ZNF512B: variants seen among roughly 807,000 people sequenced by gnomAD.
ZNF512B encodes zinc finger protein 512B.
A neutral mutation model predicts 87.8 loss-of-function variants in ZNF512B; 22 were observed. The observed-to-expected ratio is 0.25, with a 90% CI of 0.18 to 0.36. The LOEUF (loss-of-function observed/expected upper bound fraction) is 0.36. Ranked by LOEUF, ZNF512B falls within the 10% of genes least tolerant of loss-of-function variation. The pLI, the probability that ZNF512B is intolerant of heterozygous loss-of-function variation, is 1.00. For missense variants in ZNF512B, 1,060 were observed against 1,231.6 expected (o/e 0.86, Z 2.09); for synonymous variants, 524 against 490.9 (o/e 1.07, Z -0.89).
Position 63,963,913 on chromosome 20 carries a change from C to T in ZNF512B, c.1481G>A (p.Gly494Asp). 5 of 1,609,892 alleles carry T rather than the reference C, an allele frequency of 3.1e-6. No homozygotes were observed. Among genetic ancestry groups the T allele is most frequent in the Non-Finnish European group, 3.4e-6 (4 of 1,179,994 alleles). Residue 494 changes from glycine (G) to aspartate (D), a missense_variant and splice_region_variant, in exon 9 of 17, where the codon GGT becomes GAT. Physicochemically the swap from Gly to Asp is moderately conservative, Grantham distance 94. This residue lies in a region of ZNF512B where 212 missense variants were observed against 207.6 expected (regional missense o/e 1.02). Coordinates refer to ENST00000369888, the MANE Select transcript of ZNF512B (RefSeq NM_020713.3). The stretch of plus-strand genomic sequence containing the variant: ...CCTCTGCCACTGCTCTTCAGGGCCA[C>T]CTGTGGGTAAGGCAGGGGCCTCGAA... ...APAPVAHPAP[G>D]GPEEQWQRAI...
At chr20:63,962,218 C>T in intron 14 of ZNF512B, 55 bp downstream of exon 14, 1 of 1,529,530 alleles carries the variant, frequency 6.5e-7, no homozygotes, top group Non-Finnish European at 8.8e-7. Context: ...GGGCCACACC[C>T]AGGCTCTGGC....
In ZNF512B at chr20:63,957,358, G is replaced by A. The variant is rs1416732734; in HGVS notation, c.*2530C>T. 6.6e-6 allele frequency: 1 copy of A among 152,550 alleles called. No individual in the cohort carries two copies. The highest frequency in any genetic ancestry group is 1.5e-5 in the Non-Finnish European group (1 of 68,098). 9.4% of individuals were successfully genotyped at this position (152,550 alleles called of 1,614,324 possible). ...GCAGGGCCGGCGCCCACCACACTCT[G>A]GGGGTCAGCTATGCTGGTCCCTCTC... is the stretch of plus-strand genomic sequence containing the variant. On this transcript the variant is annotated 3_prime_UTR_variant, in exon 17 of 17. Coordinates refer to ENST00000369888, the MANE Select transcript of ZNF512B (RefSeq NM_020713.3).
At chr20:63,962,904 T>A in intron 12 of ZNF512B, 123 bp from the exon 13 acceptor site, 1 of 1,271,982 alleles carries the variant, frequency 7.9e-7, no homozygotes, top group Non-Finnish European at 1.1e-6. Flanking sequence ...GGGACATGGC[T>A]GACGCAGGCA....
intron 14 of ZNF512B, 99 bp downstream of exon 14, chr20:63,962,174 T>C: frequency 7.2e-7 from 1 of 1,380,566 alleles, no homozygotes; most frequent in African/African-American, 1.4e-5. Flanking sequence ...CTTGGGCACC[T>C]CCTGAAAGCT....
At position 63,967,693 on chromosome 20, in the gene ZNF512B, C is replaced by T. The variant is rs952058861; in HGVS notation, c.121+137G>A. On this transcript the variant is annotated intron_variant, in intron 2 of 16. Transcript: ENST00000369888. The stretch of plus-strand genomic sequence containing the variant: ...ACCCTGGGCTATGTCCAAGGCAACC[C>T]CTACCCTGGTAAGGTCCTTGGGAAC... The T allele has an allele frequency of 3.0e-5, 45 of 1,488,268 alleles. 2 individuals carry two copies. The South Asian group carries it at 5.1e-4, about 17-fold the overall frequency. 92.2% of individuals were successfully genotyped at this position (1,488,268 alleles called of 1,614,324 possible). A position where few individuals can be genotyped will look rare whatever the true frequency, so the allele number is the denominator to read the frequency against.
intron 13 of ZNF512B, 102 bp from the exon 14 acceptor site, chr20:63,962,476 G>A (rs928633606): frequency 1.3e-5 from 20 of 1,547,312 alleles, no homozygotes; most frequent in Admixed American, 3.8e-5. Context: ...CGCAGATGGC[G>A]GGGGCAGCGG....
intron 12 of ZNF512B, 82 bp from the exon 13 acceptor site, chr20:63,962,863 C>A: frequency 7.2e-7 from 1 of 1,394,316 alleles, no homozygotes; most frequent in Non-Finnish European, 9.5e-7. Context: ...CACCCTAAGG[C>A]CGGTGGACCC....
chr20:63,963,068 T>A (rs1456067970), intron 12 of ZNF512B, 27 bp downstream of exon 12: 1 of 1,526,636 alleles, frequency 6.6e-7, no homozygotes, highest in South Asian at 1.2e-5. Context: ...GAACAAGCAC[T>A]GTGCCACAGA....
intron 1 of ZNF512B, among the ~76,000 whole-genome samples, chr20:63,969,554 G>GGCGCGGA (rs956070127): frequency 6.7e-6 from 1 of 149,456 alleles, no homozygotes; most frequent in African/African-American, 2.4e-5. Context: ...CGGGGCGCGG[G>GGCGCGGA]CCTCGGCCTG....
At position 63,956,956 on chromosome 20, in the gene ZNF512B, G is replaced by A. The variant is rs2058729434; in HGVS notation, c.*2932C>T. 1 of 152,582 alleles carries A rather than the reference G, an allele frequency of 6.6e-6. No individual in the cohort carries two copies. The allele number at this position is 152,582 out of a possible 1,614,324, so 9.5% of individuals were successfully genotyped here. ...CTCTTTCAAAATGCACTTATGTACT[G>A]AGAACTGGCATTAAAAAACCCAAAC... On this transcript the variant is annotated 3_prime_UTR_variant, in exon 17 of 17. Transcript: ENST00000369888.
rs565218930 is a variant in ZNF512B, at chr20:63,958,557, C to T, written c.*1331G>A. On this transcript the variant is annotated 3_prime_UTR_variant, in exon 17 of 17. Transcript: ENST00000369888. Reference sequence around the variant, plus strand: ...CCCTGGAAAATGGCCTCCCTCCAAACCTACCCCCTCTGAGCCTCATCCTCC... The same window carrying T: ...CCCTGGAAAATGGCCTCCCTCCAAATCTACCCCCTCTGAGCCTCATCCTCC... 7.0e-6 allele frequency: 1 copy of T among 143,624 alleles called. No homozygotes were observed. Among genetic ancestry groups the T allele is most frequent in the East Asian group, 2.4e-4 (1 of 4,224 alleles). The allele number at this position is 143,624 out of a possible 1,614,324, so 8.9% of individuals were successfully genotyped here.
rs868002747 is a variant in ZNF512B, at chr20:63,961,186, C to T, written c.2427+123G>A. 4 of 828,586 alleles carry T rather than the reference C, an allele frequency of 4.8e-6. No homozygotes were observed. In the Middle Eastern group the frequency reaches 9.7e-4, roughly 200 times the overall value. The allele number at this position is 828,586 out of a possible 1,614,324, so 51.3% of individuals were successfully genotyped here. ...AAACTACCAGATTTCTCCACATTGG[C>T]CACTCTCCCAGGCACACCCCATGCA... On this transcript the variant is annotated intron_variant, in intron 16 of 16. Transcript: ENST00000369888. This position sits in a 1 kb window ranked among gnomAD's most constrained non-coding sequence, Gnocchi z 6.4.
chr20:63,963,548 G>T, intron 10 of ZNF512B, 70 bp downstream of exon 10: 1 of 1,599,046 alleles, frequency 6.3e-7, no homozygotes, highest in East Asian at 2.2e-5. Flanking sequence ...TAGAAACCGG[G>T]GGCACTGCGG....
In ZNF512B at chr20:63,963,614, G is replaced by A. The variant is rs1477942432; in HGVS notation, c.1698+4C>T. ...CTGGACGGGAGCTGGGGGCCCGACG[G>A]TACCTTGGCACTGTGCTCGGCCATA... On this transcript the variant is annotated splice_donor_region_variant and intron_variant, in intron 10 of 16. Transcript: ENST00000369888. The A allele has an allele frequency of 1.2e-6, 2 of 1,613,310 alleles. No homozygotes were observed. Among genetic ancestry groups the A allele is most frequent in the Admixed American group, 3.3e-5 (2 of 60,000 alleles).
intron 1 of ZNF512B, chr20:63,969,316 G>T (rs1029383168): frequency 4.0e-5 from 15 of 373,502 alleles, no homozygotes; most frequent in Admixed American, 3.2e-4. Flanking sequence ...CTGGCGCCCC[G>T]GATGAGAAGG....
intron 6 of ZNF512B, 40 bp downstream of exon 6, chr20:63,964,450 G>A (rs374798021): frequency 3.3e-5 from 53 of 1,613,378 alleles, no homozygotes; most frequent in Non-Finnish European, 4.0e-5. Context: ...TCAGGAGGCC[G>A]AGCCTGCCCC....
chr20:63,969,626 A>T (rs1569201522), intron 1 of ZNF512B, among the ~76,000 whole-genome samples, 188 bp downstream of exon 1: 2 of 131,226 alleles, frequency 1.5e-5, no homozygotes, highest in Admixed American at 1.5e-4. Context: ...CAAAATGGCG[A>T]CTTTTTCTGG....
rs1247602507 is a variant in ZNF512B at position 63,961,291 on chromosome 20, T to G, written c.2427+18A>C. On this transcript the variant is annotated intron_variant, in intron 16 of 16. Coordinates refer to ENST00000369888, the MANE Select transcript of ZNF512B (RefSeq NM_020713.3). The surrounding 1 kb of genome is among the most constrained non-coding windows in gnomAD (Gnocchi z 6.4). ...TGGGCTAGCCCCCAGCCACAGGCCCTGGTGATGGCCCTCGCACCTCTGCGT... is the reference window on the plus strand; with the variant it reads ...TGGGCTAGCCCCCAGCCACAGGCCCGGGTGATGGCCCTCGCACCTCTGCGT... 6.2e-7 allele frequency: 1 copy of G among 1,610,342 alleles called. No individual in the cohort carries two copies. The highest frequency in any genetic ancestry group is 1.7e-5 in the Admixed American group (1 of 60,000).
chr20:63,963,630 C>T lies in ZNF512B; in HGVS notation c.1686G>A (p.Glu562=). Residue 562 remains glutamate, a synonymous_variant, in exon 10 of 17, where the codon GAG becomes GAA. Transcript: ENST00000369888. ...KAGLNYHTMA[E]HSAKPSDAEA... is the part of the protein sequence containing the mutation. ...GGCCCGACGGTACCTTGGCACTGTG[C>T]TCGGCCATAGTGTGGTAGTTGAGGC... 6.2e-7 allele frequency: 1 copy of T among 1,613,628 alleles called. No homozygotes were observed. The highest frequency in any genetic ancestry group is 1.1e-5 in the South Asian group (1 of 91,086).
Sources: gnomAD v4.1 joint callset for allele counts (sites outside exome capture counted in the v4.1 genomes callset) on GRCh38, gnomAD v4.1.1 for gene constraint, gnomAD v4.1.1 regional missense constraint, Gnocchi (gnomAD v3.1) non-coding constraint, MANE v1.5 for transcripts, NCBI Gene and HGNC (gene_info 2026-07-23, HGNC 2026-07-21) for gene names.